Variants in PRELID2 observed in about 807,000 individuals in gnomAD.
PRELID2 encodes the protein PRELI domain containing 2, also known as PRELI domain-containing protein 2.
PRELID2 carries 25 observed loss-of-function variants against 28.4 expected under a neutral mutation model. The ratio of observed to expected loss-of-function variants is 0.88; its 90% CI spans 0.64 to 1.23. The LOEUF (loss-of-function observed/expected upper bound fraction) is 1.23, where lower values mean the gene tolerates loss of function less well. Ranked by LOEUF, PRELID2 falls within the 50% of genes most tolerant of loss-of-function variation. The pLI is 0.00. For missense variants in PRELID2, 201 were observed against 214.4 expected, an observed-to-expected ratio of 0.94 and a Z score of 0.39; for synonymous variants, 76 against 71.6, an observed-to-expected ratio of 1.06 and a Z score of -0.31.
chr5:145,392,074 G>C, the PRELID2 span, among the ~76,000 whole-genome samples: 2 of 152,014 alleles, frequency 1.3e-5, no homozygotes, highest in African/African-American at 2.4e-5. Flanking sequence ...CTGTTACCCA[G>C]CTCCAAAGTT....
chr5:145,313,044 A>AC, the PRELID2 span, among the ~76,000 whole-genome samples: 1 of 152,062 alleles, frequency 6.6e-6, no homozygotes, highest in Non-Finnish European at 1.5e-5. Flanking sequence ...TTCATATGGA[A>AC]CCCCCCAAAA....
At chr5:145,245,717 C>T in the PRELID2 span, among the ~76,000 whole-genome samples, 1 of 152,140 alleles carries the variant, frequency 6.6e-6, no homozygotes, top group Admixed American at 6.6e-5. Flanking sequence ...ATTCAAGCAG[C>T]TCTTAAATGT....
intron 1 of PRELID2, among the ~76,000 whole-genome samples, chr5:145,491,716 C>T (rs1050673012): frequency 1.3e-5 from 2 of 152,030 alleles, no homozygotes; most frequent in Non-Finnish European, 2.9e-5. Context: ...CCAGTACCCC[C>T]TGACCCTGGT....
the PRELID2 span, among the ~76,000 whole-genome samples, chr5:145,281,942 T>C: frequency 6.6e-6 from 1 of 152,218 alleles, no homozygotes; most frequent in Admixed American, 6.5e-5. Flanking sequence ...TAGGAAATAA[T>C]GATATCTACC....
the PRELID2 span, among the ~76,000 whole-genome samples, chr5:145,349,465 G>A: frequency 6.6e-6 from 1 of 151,970 alleles, no homozygotes; most frequent in Admixed American, 6.6e-5. Context: ...GTACACAGAG[G>A]AGGAAGCCAC....
intron 1 of PRELID2, among the ~76,000 whole-genome samples, chr5:145,660,634 G>T (rs933802182): frequency 6.6e-6 from 1 of 152,164 alleles, no homozygotes; most frequent in Non-Finnish European, 1.5e-5. Context: ...GCCTATTGGT[G>T]CCAATGGGGT....
At chr5:145,382,980 A>G in the PRELID2 span, among the ~76,000 whole-genome samples, 3 of 151,974 alleles carry the variant, frequency 2.0e-5, no homozygotes, top group African/African-American at 7.2e-5. Context: ...GAATTTTAAA[A>G]TACCTAAATA....
At chr5:145,817,210 A>T (rs369070529) in intron 4 of PRELID2, among the ~76,000 whole-genome samples, 10,526 of 60,138 alleles carry the variant, frequency 0.18, 2,145 homozygotes, top group Non-Finnish European at 0.33. Context: ...TAAATAAATA[A>T]ATAAAAAAAA....
chr5:145,655,818 A>G (rs775808622), intron 1 of PRELID2, among the ~76,000 whole-genome samples: 1 of 152,254 alleles, frequency 6.6e-6, no homozygotes, highest in Non-Finnish European at 1.5e-5. Flanking sequence ...CCTAAGCAAT[A>G]CCATTCAGAA....
the PRELID2 span, among the ~76,000 whole-genome samples, chr5:145,366,541 T>A: frequency 6.6e-6 from 1 of 151,934 alleles, no homozygotes; most frequent in Non-Finnish European, 1.5e-5. Flanking sequence ...CAGCTCCTGG[T>A]AGTAAGATTG....
chr5:145,662,982 C>T (rs1314469687), intron 1 of PRELID2, among the ~76,000 whole-genome samples: 1 of 152,166 alleles, frequency 6.6e-6, no homozygotes, highest in African/African-American at 2.4e-5. Context: ...AATGGCTTCT[C>T]ATTCTTTTTT....
intron 1 of PRELID2, among the ~76,000 whole-genome samples, chr5:145,742,150 AT>A (rs1299284580): frequency 0.81 from 106,125 of 130,332 alleles, 43,751 homozygotes; most frequent in East Asian, 0.87. Context: ...AAATTTATTT[AT>A]TTATTATAAA....
chr5:145,567,235 C>A (rs1448560941), intron 1 of PRELID2, among the ~76,000 whole-genome samples: 1 of 152,136 alleles, frequency 6.6e-6, no homozygotes. Flanking sequence ...TGTGTCCCCA[C>A]CCAAATCTCA....
intron 5 of PRELID2, among the ~76,000 whole-genome samples, chr5:145,769,766 A>AG (rs1389079733): frequency 2.0e-5 from 3 of 152,200 alleles, no homozygotes; most frequent in African/African-American, 7.2e-5. Context: ...TGTGTAAGGA[A>AG]GGGCAGGGAA....
chr5:145,314,247 G>C, the PRELID2 span, among the ~76,000 whole-genome samples: 6 of 152,178 alleles, frequency 3.9e-5, no homozygotes, highest in African/African-American at 1.4e-4. Context: ...CATTTTTTAA[G>C]AATTAAAGTG....
At chr5:145,537,261 TA>T (rs1284510642) in intron 1 of PRELID2, among the ~76,000 whole-genome samples, 2 of 151,802 alleles carry the variant, frequency 1.3e-5, no homozygotes, top group African/African-American at 4.8e-5. Flanking sequence ...AACCAAAAAA[TA>T]TGGGCTGTAT....
chr5:145,241,050 T>A, the PRELID2 span, among the ~76,000 whole-genome samples: 1 of 151,982 alleles, frequency 6.6e-6, no homozygotes, highest in Admixed American at 6.6e-5. Context: ...AAAGTATCAA[T>A]CTCTTAGGGT....
chr5:145,260,582 T>C, the PRELID2 span, among the ~76,000 whole-genome samples: 1 of 152,244 alleles, frequency 6.6e-6, no homozygotes, highest in Non-Finnish European at 1.5e-5. Context: ...ATGTTTAATG[T>C]TTGTGGATAC....
At chr5:145,448,229 T>G in the PRELID2 span, among the ~76,000 whole-genome samples, 1 of 151,906 alleles carries the variant, frequency 6.6e-6, no homozygotes, top group African/African-American at 2.4e-5. Context: ...CCAGTGATGA[T>G]GAGCATTTTT....
Sources: allele counts gnomAD v4.1 joint callset (sites outside exome capture counted in the v4.1 genomes callset), GRCh38; gene constraint gnomAD v4.1.1; transcripts MANE v1.5; gene names NCBI Gene and HGNC (gene_info 2026-07-23, HGNC 2026-07-21).